DAB2IP: variants seen among roughly 807,000 people sequenced by gnomAD.
DAB2IP encodes the protein disabled homolog 2-interacting protein.
In DAB2IP, 28 loss-of-function variants were observed where a neutral mutation model predicts 107.2. The ratio of observed to expected loss-of-function variants is 0.26; its 90% confidence interval spans 0.19 to 0.36. The LOEUF (loss-of-function observed/expected upper bound fraction) is 0.36, where lower values mean the gene tolerates loss of function less well. Among genes scored for constraint, DAB2IP ranks in the 10% least tolerant of loss-of-function variants. The pLI, the probability that DAB2IP is intolerant of heterozygous loss-of-function variation, is 1.00. For missense variants in DAB2IP, 1,400 were observed against 1,644.7 expected (o/e 0.85, Z 2.57); for synonymous variants, 755 against 706.4 (o/e 1.07, Z -1.09).
intron 1 of DAB2IP, among the ~76,000 whole-genome samples, chr9:121,575,855 G>A (rs912575959): frequency 1.3e-5 from 2 of 152,172 alleles, no homozygotes. Context: ...AACTCTGGAA[G>A]CCCAGGGAGG....
chr9:121,689,501 T>A (rs1004647746), intron 2 of DAB2IP, among the ~76,000 whole-genome samples: 2 of 152,146 alleles, frequency 1.3e-5, no homozygotes, highest in Non-Finnish European at 2.9e-5. Flanking sequence ...TTTATGGAGT[T>A]TCCCCCACCC....
At chr9:121,670,490 A>G (rs534096950) in intron 1 of DAB2IP, among the ~76,000 whole-genome samples, 3 of 152,316 alleles carry the variant, frequency 2.0e-5, no homozygotes, top group Non-Finnish European at 4.4e-5. Context: ...GGGGAATTCA[A>G]TTCCAAGTGG....
chr9:121,747,023 T>C (rs1832766303), intron 3 of DAB2IP, among the ~76,000 whole-genome samples: 1 of 151,854 alleles, frequency 6.6e-6, no homozygotes, highest in African/African-American at 2.4e-5. Context: ...AGTGGAGAGA[T>C]GGGGGAGGGC....
At chr9:121,709,278 T>C (rs1188367302) in intron 3 of DAB2IP, among the ~76,000 whole-genome samples, 2 of 152,192 alleles carry the variant, frequency 1.3e-5, no homozygotes, top group Admixed American at 1.3e-4. Context: ...TGCTGGAGAA[T>C]GGAGCCATCG....
At chr9:121,575,639 C>T (rs1442887708) in intron 1 of DAB2IP, among the ~76,000 whole-genome samples, 1 of 152,100 alleles carries the variant, frequency 6.6e-6, no homozygotes, top group African/African-American at 2.4e-5. Context: ...GGCAGGTGGA[C>T]CCCACACATC....
At chr9:121,675,923 G>A (rs1833883343) in intron 1 of DAB2IP, among the ~76,000 whole-genome samples, 1 of 152,252 alleles carries the variant, frequency 6.6e-6, no homozygotes, top group African/African-American at 2.4e-5. Flanking sequence ...AAAACCTCCA[G>A]AAAGAGTGGT....
In DAB2IP at chr9:121,599,167, G is replaced by A. The variant is rs1830605045; in HGVS notation, c.40+31939G>A. On this transcript the variant is annotated intron_variant, in intron 1 of 16. Transcript: ENST00000259371. This position sits in a 1 kb window ranked among gnomAD's most constrained non-coding sequence, Gnocchi z 6.9. Reference sequence around the variant, plus strand: ...GGAAGGGGAGCTGTAGGGTGGAAGAGGGATAAGTAAAGCAAAGTCGCGGCC... The same window carrying A: ...GGAAGGGGAGCTGTAGGGTGGAAGAAGGATAAGTAAAGCAAAGTCGCGGCC... Among the ~76,000 whole-genome samples, 1 of 152,156 alleles carries A rather than the reference G, an allele frequency of 6.6e-6. No homozygotes were observed. The highest frequency in any genetic ancestry group is 1.5e-5 in the Non-Finnish European group (1 of 68,030).
At chr9:121,692,896 C>A (rs1035257787) in intron 2 of DAB2IP, among the ~76,000 whole-genome samples, 1 of 152,190 alleles carries the variant, frequency 6.6e-6, no homozygotes, top group Non-Finnish European at 1.5e-5. Context: ...GGAGGAATGA[C>A]GCATCTGAAG....
intron 10 of DAB2IP, among the ~76,000 whole-genome samples, 183 bp downstream of exon 10, chr9:121,768,816 C>T (rs1417923434): frequency 6.6e-6 from 1 of 152,240 alleles, no homozygotes; most frequent in Non-Finnish European, 1.5e-5. Context: ...GCTATGTTCA[C>T]TCAGCAGTAT....
At chr9:121,577,684 A>G (rs563858973) in intron 1 of DAB2IP, among the ~76,000 whole-genome samples, 2 of 151,980 alleles carry the variant, frequency 1.3e-5, no homozygotes, top group African/African-American at 4.8e-5. Context: ...CTCTCCTCCC[A>G]TGCTCTCTCT....
At chr9:121,631,531 C>T (rs965620213) in intron 1 of DAB2IP, among the ~76,000 whole-genome samples, 6 of 151,982 alleles carry the variant, frequency 3.9e-5, no homozygotes, top group African/African-American at 1.4e-4. Flanking sequence ...GGCAAAGAAG[C>T]TTGCGGCCCG....
intron 2 of DAB2IP, among the ~76,000 whole-genome samples, chr9:121,683,292 C>T (rs1828688786): frequency 6.6e-6 from 1 of 152,164 alleles, no homozygotes; most frequent in South Asian, 2.1e-4. Context: ...GCTGATGACT[C>T]TTCCTGGTCT....
intron 3 of DAB2IP, among the ~76,000 whole-genome samples, chr9:121,737,901 G>A (rs1019126247): frequency 6.6e-6 from 1 of 152,202 alleles, no homozygotes; most frequent in Admixed American, 6.5e-5. Flanking sequence ...TTGGTGTGCT[G>A]TGAAAGTGCA....
chr9:121,687,070 T>G (rs141324445), intron 2 of DAB2IP, among the ~76,000 whole-genome samples: 2 of 152,092 alleles, frequency 1.3e-5, no homozygotes, highest in South Asian at 2.1e-4. Flanking sequence ...GGGTAGCAAG[T>G]GGACTTCTGG....
At chr9:121,664,687 G>T (rs1054333570) in intron 1 of DAB2IP, among the ~76,000 whole-genome samples, 1 of 152,196 alleles carries the variant, frequency 6.6e-6, no homozygotes, top group Non-Finnish European at 1.5e-5. Flanking sequence ...TAAACAAGTA[G>T]TTTCATGAGT....
intron 3 of DAB2IP, among the ~76,000 whole-genome samples, chr9:121,704,226 G>A (rs1259232338): frequency 1.3e-5 from 2 of 152,116 alleles, no homozygotes; most frequent in Admixed American, 6.5e-5. Context: ...AAGAGTTTGA[G>A]ATTTTTCTTA....
intron 1 of DAB2IP, among the ~76,000 whole-genome samples, chr9:121,666,589 C>T (rs765182184): frequency 6.6e-6 from 1 of 152,006 alleles, no homozygotes; most frequent in Non-Finnish European, 1.5e-5. Context: ...CACGCCGGGG[C>T]CTGTCGGCGG....
intron 3 of DAB2IP, among the ~76,000 whole-genome samples, chr9:121,738,629 C>G (rs1342438005): frequency 6.6e-6 from 1 of 152,232 alleles, no homozygotes; most frequent in South Asian, 2.1e-4. Context: ...ACATGTGCCT[C>G]TGTCTGACCC....
chr9:121,617,648 C>T (rs1831324306), intron 1 of DAB2IP, among the ~76,000 whole-genome samples: 1 of 152,282 alleles, frequency 6.6e-6, no homozygotes, highest in African/African-American at 2.4e-5. Flanking sequence ...GACACTGCAG[C>T]TCCATTCCAT....
Sources: allele counts gnomAD v4.1 joint callset (sites outside exome capture counted in the v4.1 genomes callset), GRCh38; gene constraint gnomAD v4.1.1; non-coding constraint Gnocchi (gnomAD v3.1); transcripts MANE v1.5; gene names NCBI Gene and HGNC (gene_info 2026-07-23, HGNC 2026-07-21).